The following EIF2AK3 variants were observed in gnomAD, a reference collection of about 807,000 sequenced individuals.
EIF2AK3 encodes eukaryotic translation initiation factor 2 alpha kinase 3.
In EIF2AK3, 50 loss-of-function variants were observed where a neutral mutation model predicts 113.5. The ratio of observed to expected loss-of-function variants is 0.44; its 90% CI spans 0.35 to 0.56. EIF2AK3 has a LOEUF of 0.56. EIF2AK3 is among the 20% of genes least tolerant of loss of function. The pLI is 0.00. For synonymous variants in EIF2AK3, 448 were observed against 495.4 expected, an observed-to-expected ratio of 0.90 and a Z score of 1.27; for missense variants, 1,185 against 1,378.0, an observed-to-expected ratio of 0.86 and a Z score of 2.22.
intron 1 of EIF2AK3, among the ~76,000 whole-genome samples, chr2:88,623,756 C>G (rs1675791204): frequency 1.3e-5 from 2 of 152,144 alleles, no homozygotes; most frequent in African/African-American, 4.8e-5. Context: ...CTCCTGTTGA[C>G]TATCAACTTA....
chr2:88,582,513 T>C (rs1380729451), intron 10 of EIF2AK3, among the ~76,000 whole-genome samples: 1 of 152,174 alleles, frequency 6.6e-6, no homozygotes, highest in Non-Finnish European at 1.5e-5. Context: ...AGGAAGGTAC[T>C]TATAACTACC....
At chr2:88,595,344 C>A in intron 3 of EIF2AK3, 125 bp downstream of exon 3, 1 of 938,814 alleles carries the variant, frequency 1.1e-6, no homozygotes, top group Non-Finnish European at 1.6e-6. Context: ...CTTATTAAAA[C>A]AAATGACAAC....
At chr2:88,566,812 G>A (rs1031263953) in intron 14 of EIF2AK3, among the ~76,000 whole-genome samples, 2 of 152,122 alleles carry the variant, frequency 1.3e-5, no homozygotes, top group Non-Finnish European at 2.9e-5. Flanking sequence ...TCTGAGCATG[G>A]CGGTGTGGAC....
chr2:88,621,495 C>T (rs967952111), intron 1 of EIF2AK3, among the ~76,000 whole-genome samples: 4 of 152,138 alleles, frequency 2.6e-5, no homozygotes, highest in Admixed American at 6.5e-5. Context: ...GGGGAGAGGG[C>T]GTTATTTCAC....
chr2:88,578,235 T>C (rs1674511323), intron 11 of EIF2AK3, among the ~76,000 whole-genome samples: 1 of 152,072 alleles, frequency 6.6e-6, no homozygotes, highest in Non-Finnish European at 1.5e-5. Flanking sequence ...AGCACAACAA[T>C]TAGTGTGCAT....
chr2:88,567,517 ACT>A (rs1365397016), intron 14 of EIF2AK3, among the ~76,000 whole-genome samples: 2 of 152,212 alleles, frequency 1.3e-5, no homozygotes, highest in Non-Finnish European at 2.9e-5. Flanking sequence ...GGAATGACAA[ACT>A]CAGCTTATAA....
intron 8 of EIF2AK3, among the ~76,000 whole-genome samples, chr2:88,586,993 T>G (rs916355784): frequency 6.8e-6 from 1 of 148,144 alleles, no homozygotes; most frequent in Non-Finnish European, 1.5e-5. Context: ...GATCACAAGG[T>G]CAGGAGTTCG....
chr2:88,599,826 A>G (rs997578924), intron 2 of EIF2AK3, among the ~76,000 whole-genome samples: 9 of 152,174 alleles, frequency 5.9e-5, no homozygotes, highest in African/African-American at 1.9e-4. Flanking sequence ...TCAACTGCCA[A>G]ACTAATATGA....
chr2:88,583,257 T>C (rs1423331480), intron 10 of EIF2AK3, among the ~76,000 whole-genome samples, 173 bp downstream of exon 10: 1 of 152,156 alleles, frequency 6.6e-6, no homozygotes. Context: ...TTTTTATCTT[T>C]CTTAGGGTAT....
intron 2 of EIF2AK3, among the ~76,000 whole-genome samples, chr2:88,610,521 T>C (rs561767892): frequency 6.6e-6 from 1 of 152,242 alleles, no homozygotes; most frequent in Non-Finnish European, 1.5e-5. Context: ...ACTACATTTG[T>C]ATGTGGCTGG....
intron 11 of EIF2AK3, among the ~76,000 whole-genome samples, chr2:88,578,681 C>CAA (rs763427318): frequency 1.5e-3 from 114 of 78,086 alleles, no homozygotes; most frequent in Middle Eastern, 8.5e-3. Flanking sequence ...GACCCTGTCT[C>CAA]AAAAAAAAAA....
intron 11 of EIF2AK3, among the ~76,000 whole-genome samples, 176 bp from the exon 12 acceptor site, chr2:88,576,879 C>T (rs1674474209): frequency 6.6e-6 from 1 of 152,102 alleles, no homozygotes; most frequent in South Asian, 2.1e-4. Flanking sequence ...ACACTGAAGG[C>T]TGTTCATATC....
At chr2:88,611,873 T>C (rs1675466263) in intron 2 of EIF2AK3, among the ~76,000 whole-genome samples, 1 of 152,170 alleles carries the variant, frequency 6.6e-6, no homozygotes, top group Non-Finnish European at 1.5e-5. Context: ...TCCGCCCGCC[T>C]CAGCCTCCCA....
chr2:88,562,137 G>A, intron 15 of EIF2AK3, 152 bp downstream of exon 15: 1 of 659,412 alleles, frequency 1.5e-6, no homozygotes, highest in Non-Finnish European at 2.7e-6. Flanking sequence ...AAATAGTCTA[G>A]AACTCCTCTC....
intron 15 of EIF2AK3, among the ~76,000 whole-genome samples, chr2:88,560,963 G>A (rs1225288089): frequency 1.3e-5 from 2 of 152,088 alleles, no homozygotes; most frequent in East Asian, 3.9e-4. Context: ...GAAGAGGTGA[G>A]GGTAGCTACT....
chr2:88,575,874 C>T (rs1442978124), intron 12 of EIF2AK3, among the ~76,000 whole-genome samples: 1 of 152,196 alleles, frequency 6.6e-6, no homozygotes, highest in Non-Finnish European at 1.5e-5. Context: ...CAAGGTACCT[C>T]ACGTGGATCT....
At chr2:88,588,635 G>A in intron 7 of EIF2AK3, 126 bp downstream of exon 7, 1 of 963,192 alleles carries the variant, frequency 1.0e-6, no homozygotes, top group Non-Finnish European at 1.5e-6. Context: ...TACCATCATG[G>A]TTTATCAATA....
intron 3 of EIF2AK3, 22 bp from the exon 4 acceptor site, chr2:88,593,427 C>T: frequency 2.5e-6 from 4 of 1,612,988 alleles, no homozygotes; most frequent in East Asian, 2.2e-5. Context: ...AAATTAGATA[C>T]AAAATTAGTA....
chr2:88,606,612 G>T (rs576468286), intron 2 of EIF2AK3, among the ~76,000 whole-genome samples: 1 of 152,130 alleles, frequency 6.6e-6, no homozygotes, highest in Non-Finnish European at 1.5e-5. Flanking sequence ...AAACAACTTG[G>T]ACAGCTTTCA....
Sources: gnomAD v4.1 joint callset for allele counts (sites outside exome capture counted in the v4.1 genomes callset) on GRCh38, gnomAD v4.1.1 for gene constraint, MANE v1.5 for transcripts, NCBI Gene and HGNC (gene_info 2026-07-23, HGNC 2026-07-21) for gene names.